GLRB: variants seen among roughly 807,000 people sequenced by gnomAD.
The protein encoded by GLRB is glycine receptor subunit beta.
GLRB carries 33 observed loss-of-function variants against 54.2 expected under a neutral mutation model. That is an observed-to-expected ratio of 0.61 (90% CI 0.46 to 0.81). The LOEUF (loss-of-function observed/expected upper bound fraction) is 0.81. Ranked by LOEUF, GLRB falls within the 40% of genes least tolerant of loss-of-function variation. GLRB has a pLI of 0.00. For synonymous variants in GLRB, 209 were observed against 208.2 expected, an observed-to-expected ratio of 1.00 and a Z score of -0.03; for missense variants, 572 against 584.6, an observed-to-expected ratio of 0.98 and a Z score of 0.22.
Position 157,136,608 on chromosome 4 carries a change from C to T in GLRB, c.437C>T (p.Ala146Val), listed in dbSNP as rs1241251584. Residue 146 changes from alanine to valine, a missense_variant, in exon 5 of 10, where the codon GCA becomes GTA. Coordinates refer to ENST00000264428, the MANE Select transcript of GLRB (RefSeq NM_000824.5). ...TTATGGAAACCTGATTTATTTTTTGCAAATGAAAAAAGTGCCAATTTTCAT... is the reference window on the plus strand; with the variant it reads ...TTATGGAAACCTGATTTATTTTTTGTAAATGAAAAAAGTGCCAATTTTCAT... The part of the protein sequence containing the change: ...KCLWKPDLFF[A>V]NEKSANFHDV... 1 of 1,612,422 alleles carries T rather than the reference C, an allele frequency of 6.2e-7. No individual in the cohort carries two copies.
intron 9 of GLRB, among the ~76,000 whole-genome samples, chr4:157,161,022 C>T (rs11944264): frequency 0.046 from 6,925 of 152,140 alleles, 245 homozygotes; most frequent in African/African-American, 0.097. Flanking sequence ...GCTCCTGTAT[C>T]GGGTGCCTAT....
intron 2 of GLRB, among the ~76,000 whole-genome samples, chr4:157,096,827 G>A (rs1734830822): frequency 6.6e-6 from 1 of 152,144 alleles, no homozygotes; most frequent in African/African-American, 2.4e-5. Context: ...TAGCAGGGGT[G>A]GCCTTTGAAG....
chr4:157,144,031 C>A (rs1736715225), intron 8 of GLRB, 72 bp downstream of exon 8: 1 of 1,416,694 alleles, frequency 7.1e-7, no homozygotes, highest in Non-Finnish European at 1.0e-6. Flanking sequence ...ATATAATCAA[C>A]TACTTTGAAA....
chr4:157,158,048 A>G (rs1384566171), intron 9 of GLRB, among the ~76,000 whole-genome samples: 1 of 152,188 alleles, frequency 6.6e-6, no homozygotes, highest in African/African-American at 2.4e-5. Flanking sequence ...GTGAAATGGT[A>G]TCTCATTTTG....
chr4:157,097,876 C>T (rs1276222173), intron 2 of GLRB, among the ~76,000 whole-genome samples: 1 of 152,166 alleles, frequency 6.6e-6, no homozygotes, highest in Admixed American at 6.5e-5. Flanking sequence ...CAAAAATTAG[C>T]CAGGCATCAT....
Position 157,170,517 on chromosome 4 carries a change from G to A in GLRB, c.1283G>A (p.Arg428Lys). Residue 428 changes from arginine to lysine, a missense_variant, in exon 10 of 10, where the codon AGA becomes AAA. Transcript: ENST00000264428. ...NDFSIVGSLPRDFELSNYDCY... is the reference protein window; with the variant it reads ...NDFSIVGSLPKDFELSNYDCY... The stretch of plus-strand genomic sequence containing the variant: ...TTCAGCATTGTTGGAAGCTTACCAA[G>A]AGATTTTGAACTATCCAATTATGAC... The A allele has an allele frequency of 6.2e-7, 1 of 1,611,198 alleles. No homozygotes were observed. The highest frequency in any genetic ancestry group is 1.3e-5 in the African/African-American group (1 of 74,952).
At chr4:157,144,188 T>C (rs1307982620) in intron 8 of GLRB, among the ~76,000 whole-genome samples, 1 of 152,308 alleles carries the variant, frequency 6.6e-6, no homozygotes, top group Middle Eastern at 3.4e-3. Context: ...TTATAAGCAG[T>C]TAATCTATTT....
intron 9 of GLRB, among the ~76,000 whole-genome samples, chr4:157,164,692 A>T (rs1248453446): frequency 6.6e-6 from 1 of 152,166 alleles, no homozygotes; most frequent in African/African-American, 2.4e-5. Context: ...AATGATCCTG[A>T]TACCTTAATC....
At chr4:157,079,710 C>A (rs1015602802) in intron 2 of GLRB, among the ~76,000 whole-genome samples, 5 of 152,182 alleles carry the variant, frequency 3.3e-5, no homozygotes, top group South Asian at 4.1e-4. Flanking sequence ...ACCATCTCAA[C>A]TCTTCACTGT....
chr4:157,163,891 A>G (rs1560978918), intron 9 of GLRB, among the ~76,000 whole-genome samples: 2 of 150,572 alleles, frequency 1.3e-5, no homozygotes, highest in East Asian at 3.9e-4. Context: ...TGAACTTAGC[A>G]GGAGGAATAG....
At chr4:157,118,101 G>T (rs891856491) in intron 2 of GLRB, among the ~76,000 whole-genome samples, 3 of 151,634 alleles carry the variant, frequency 2.0e-5, no homozygotes, top group Non-Finnish European at 1.5e-5. Flanking sequence ...CTAAAAATGA[G>T]TTTGACTGAC....
intron 2 of GLRB, among the ~76,000 whole-genome samples, chr4:157,087,822 A>C: frequency 6.6e-6 from 1 of 151,964 alleles, no homozygotes; most frequent in East Asian, 1.9e-4. Flanking sequence ...TAATTTCTGT[A>C]ATACAGTAAA....
intron 4 of GLRB, among the ~76,000 whole-genome samples, chr4:157,133,111 A>G (rs975281148): frequency 2.6e-5 from 4 of 152,080 alleles, no homozygotes; most frequent in East Asian, 3.9e-4. Context: ...ACAACAATAG[A>G]AAAGGAATGC....
intron 9 of GLRB, among the ~76,000 whole-genome samples, chr4:157,166,642 C>T (rs1268995376): frequency 1.3e-5 from 2 of 152,140 alleles, no homozygotes; most frequent in East Asian, 3.9e-4. Flanking sequence ...CACATGTGCA[C>T]CTCTACTTAT....
intron 2 of GLRB, among the ~76,000 whole-genome samples, chr4:157,086,554 C>T (rs147927377): frequency 3.9e-5 from 6 of 152,080 alleles, no homozygotes; most frequent in African/African-American, 9.6e-5. Context: ...TTGTGTTGTT[C>T]GATTAATTCT....
chr4:157,107,985 T>G (rs1735285030), intron 2 of GLRB, among the ~76,000 whole-genome samples: 1 of 152,076 alleles, frequency 6.6e-6, no homozygotes, highest in Non-Finnish European at 1.5e-5. Context: ...TCTACTCTCT[T>G]TGTGCTCTGG....
chr4:157,098,983 A>T (rs566629811), intron 2 of GLRB, among the ~76,000 whole-genome samples: 1 of 152,100 alleles, frequency 6.6e-6, no homozygotes, highest in East Asian at 1.9e-4. Context: ...AAATTGAGGG[A>T]CATGTAGGGA....
At position 157,170,663 on chromosome 4, in the gene GLRB, G is replaced by C; in HGVS notation, c.1429G>C (p.Ala477Pro). The change falls in exon 10 of 10, where the codon GCA becomes CCA. Residue 477 changes from alanine to proline, a missense_variant. Physicochemically the swap from Ala to Pro is conservative, Grantham distance 27. Transcript: ENST00000264428. The stretch of plus-strand genomic sequence containing the variant: ...AGCAGCAAAGCGAATTGATCTTTAT[G>C]CAAGAGCATTGTTTCCTTTCTGCTT... ...PTAAKRIDLYARALFPFCFLF... is the reference protein window; with the variant it reads ...PTAAKRIDLYPRALFPFCFLF... 6.2e-7 allele frequency: 1 copy of C among 1,608,416 alleles called. No individual in the cohort carries two copies. Among genetic ancestry groups the C allele is most frequent in the Non-Finnish European group, 8.5e-7 (1 of 1,175,896 alleles).
intron 1 of GLRB, among the ~76,000 whole-genome samples, chr4:157,077,002 A>G (rs1240042235): frequency 7.3e-6 from 1 of 137,490 alleles, no homozygotes; most frequent in East Asian, 2.2e-4. Flanking sequence ...GAAAAACATG[A>G]CATAAGGAGA....
Sources: allele counts gnomAD v4.1 joint callset (sites outside exome capture counted in the v4.1 genomes callset), GRCh38; gene constraint gnomAD v4.1.1; transcripts MANE v1.5; gene names NCBI Gene and HGNC (gene_info 2026-07-23, HGNC 2026-07-21).